The following CCDC18 variants were observed in gnomAD, a reference collection of about 807,000 sequenced individuals.
The protein encoded by CCDC18 is coiled-coil domain containing 18.
CCDC18 carries 157 observed loss-of-function variants against 196.0 expected under a neutral mutation model. The ratio of observed to expected loss-of-function variants is 0.80; its 90% confidence interval spans 0.70 to 0.91. The LOEUF is 0.91. Ranked by LOEUF, CCDC18 falls within the 40% of genes least tolerant of loss-of-function variation. The pLI, the probability that CCDC18 is intolerant of heterozygous loss-of-function variation, is 0.00. For missense variants in CCDC18, 1,465 were observed against 1,611.6 expected (o/e 0.91, Z 1.56); for synonymous variants, 482 against 529.2 (o/e 0.91, Z 1.22).
intron 23 of CCDC18, among the ~76,000 whole-genome samples, chr1:93,253,616 G>A (rs1662552085): frequency 6.6e-6 from 1 of 152,196 alleles, no homozygotes; most frequent in Non-Finnish European, 1.5e-5. Flanking sequence ...TTTGCTGAGG[G>A]GAGTTGGAGC....
intron 25 of CCDC18, among the ~76,000 whole-genome samples, chr1:93,257,099 G>A (rs1266481559): frequency 6.6e-6 from 1 of 151,790 alleles, no homozygotes. Context: ...AGGCATGATG[G>A]TGGGCACCTA....
At chr1:93,195,550 A>C (rs1306045626) in intron 6 of CCDC18, among the ~76,000 whole-genome samples, 1 of 152,182 alleles carries the variant, frequency 6.6e-6, no homozygotes, top group Non-Finnish European at 1.5e-5. Flanking sequence ...ATCCCAACGC[A>C]ACACTGTTGG....
rs1216015589 is a variant in CCDC18 at position 93,236,359 on chromosome 1, CA to C, written c.2577del (p.Val860Ter). The C allele has an allele frequency of 6.3e-7, 1 of 1,588,672 alleles. No homozygotes were observed. The highest frequency in any genetic ancestry group is 8.5e-7 in the Non-Finnish European group (1 of 1,171,924). ...SAAHEADLKR[Q>X]KVIELTGTAR... ...TGCACATGAAGCAGATTTGAAAAGG[CA>C]AAAAGTGATTGAGCTTACTGGCACT... On this transcript the variant is annotated frameshift_variant, in exon 19 of 29. Coordinates refer to ENST00000690025, the MANE Select transcript of CCDC18 (RefSeq NM_001378204.1). LOFTEE classifies it high-confidence loss of function.
chr1:93,214,272 G>T (rs1025046809), intron 11 of CCDC18, among the ~76,000 whole-genome samples: 2 of 152,084 alleles, frequency 1.3e-5, no homozygotes, highest in African/African-American at 4.8e-5. Flanking sequence ...AGCTAGTTTG[G>T]AGAGAAAGAC....
rs565434837 is a variant in CCDC18 at position 93,239,213 on chromosome 1, T to C, written c.2604-97T>C. ...ATTCCAACTAGATATTTTGCTGATA[T>C]TTGTCCTTATATAACTTGCAGGCTT... is the stretch of plus-strand genomic sequence containing the variant. On this transcript the variant is annotated intron_variant, in intron 19 of 28. Coordinates refer to ENST00000690025, the MANE Select transcript of CCDC18 (RefSeq NM_001378204.1). The C allele has an allele frequency of 8.8e-5, 79 of 899,658 alleles. 1 individual carries two copies. The highest frequency in any genetic ancestry group is 5.0e-4 in the East Asian group (20 of 40,010). The allele number at this position is 899,658 out of a possible 1,614,324, so 55.7% of individuals were successfully genotyped here.
In CCDC18 at chr1:93,239,290, T is replaced by C. The variant is rs200811212; in HGVS notation, c.2604-20T>C. The C allele has an allele frequency of 6.3e-4, 953 of 1,503,260 alleles. 15 individuals carry two copies. In the Admixed American group the frequency reaches 0.017, roughly 27 times the overall value. The allele number at this position is 1,503,260 out of a possible 1,614,324, so 93.1% of individuals were successfully genotyped here. ...GGTTAAGTTTCTAAATTACCTGTTTTATTATTTGTTTTTAATTAGGCAAGT... is the reference window on the plus strand; with the variant it reads ...GGTTAAGTTTCTAAATTACCTGTTTCATTATTTGTTTTTAATTAGGCAAGT... On this transcript the variant is annotated intron_variant, in intron 19 of 28. Transcript: ENST00000690025.
chr1:93,189,060 A>C (rs563650783), intron 4 of CCDC18, among the ~76,000 whole-genome samples: 1 of 152,268 alleles, frequency 6.6e-6, no homozygotes, highest in East Asian at 1.9e-4. Flanking sequence ...ATAAAATAGT[A>C]GTTCTTATTC....
intron 18 of CCDC18, among the ~76,000 whole-genome samples, chr1:93,234,440 G>A (rs911090760): frequency 6.6e-6 from 1 of 152,112 alleles, no homozygotes; most frequent in African/African-American, 2.4e-5. Flanking sequence ...GATTACAGGC[G>A]TGAGCCACTG....
In CCDC18 at chr1:93,197,745, C is replaced by CTTTTTTTTTTT. The variant is rs71094240; in HGVS notation, c.698+4015_698+4025dup. ...AACTCTCCTGCATTTCTTTTCTTTT[C>CTTTTTTTTTTT]TTTTTTTTTTTTTTTTTTTTTTTTG... On this transcript the variant is annotated intron_variant, in intron 6 of 28. Coordinates refer to ENST00000690025, the MANE Select transcript of CCDC18 (RefSeq NM_001378204.1). Among the ~76,000 whole-genome samples, 194 of 76,012 alleles carry CTTTTTTTTTTT rather than the reference C, an allele frequency of 2.6e-3. 1 individual carries two copies. The highest frequency in any genetic ancestry group is 5.4e-3 in the African/African-American group (106 of 19,516). The allele number at this position is 76,012 out of a possible 152,430, so 49.9% of individuals were successfully genotyped here. A position where few individuals can be genotyped will look rare whatever the true frequency, so the allele number is the denominator to read the frequency against.
intron 18 of CCDC18, among the ~76,000 whole-genome samples, chr1:93,235,478 T>C (rs1474435254): frequency 2.0e-5 from 3 of 152,206 alleles, no homozygotes; most frequent in Non-Finnish European, 4.4e-5. Context: ...GTAATCCCTG[T>C]TTCTGTGGAA....
Position 93,205,496 on chromosome 1 carries a change from A to T in CCDC18, c.796-14A>T. On this transcript the variant is annotated splice_polypyrimidine_tract_variant and intron_variant, in intron 7 of 28. Transcript: ENST00000690025. ...ACAACCACATTAGTATGTCCACTTA[A>T]ATTATTGTTTTAGGTTCAAGCTGAA... The T allele has an allele frequency of 1.3e-6, 2 of 1,569,006 alleles. No homozygotes were observed. Among genetic ancestry groups the T allele is most frequent in the Non-Finnish European group, 1.7e-6 (2 of 1,160,716 alleles).
intron 6 of CCDC18, among the ~76,000 whole-genome samples, chr1:93,196,555 A>G (rs1243178682): frequency 6.6e-6 from 1 of 152,214 alleles, no homozygotes; most frequent in East Asian, 1.9e-4. Flanking sequence ...GTCCCAAAAT[A>G]CATAAGAAAA....
intron 16 of CCDC18, among the ~76,000 whole-genome samples, chr1:93,223,891 A>C (rs1362890533): frequency 1.8e-5 from 2 of 111,516 alleles, no homozygotes; most frequent in East Asian, 4.7e-4. Flanking sequence ...TTTTGATTTC[A>C]TTTATTTATA....
At chr1:93,266,190 A>G (rs1248125287) in intron 27 of CCDC18, among the ~76,000 whole-genome samples, 1 of 152,218 alleles carries the variant, frequency 6.6e-6, no homozygotes, top group Non-Finnish European at 1.5e-5. Flanking sequence ...CTTCTGAATG[A>G]CTACTGGGTA....
At chr1:93,240,789 G>A (rs1210590198) in intron 21 of CCDC18, among the ~76,000 whole-genome samples, 1 of 151,970 alleles carries the variant, frequency 6.6e-6, no homozygotes, top group Non-Finnish European at 1.5e-5. Flanking sequence ...ATTTTTAAGA[G>A]GCATCTCAGA....
At chr1:93,227,543 C>A (rs578226501) in intron 17 of CCDC18, among the ~76,000 whole-genome samples, 1 of 152,230 alleles carries the variant, frequency 6.6e-6, no homozygotes, top group East Asian at 1.9e-4. Context: ...TAGGCACTCA[C>A]TAAACATTTG....
intron 19 of CCDC18, among the ~76,000 whole-genome samples, chr1:93,236,800 G>C (rs1660128378): frequency 6.6e-6 from 1 of 152,184 alleles, no homozygotes; most frequent in South Asian, 2.1e-4. Flanking sequence ...CAATATAAAA[G>C]TGGTTCTCAG....
intron 4 of CCDC18, among the ~76,000 whole-genome samples, chr1:93,191,699 A>G (rs1651840777): frequency 6.6e-6 from 1 of 151,974 alleles, no homozygotes. Context: ...TTTATGTTTA[A>G]TTTTCTAATT....
intron 16 of CCDC18, 83 bp downstream of exon 16, chr1:93,222,019 G>C: frequency 1.1e-6 from 1 of 895,744 alleles, no homozygotes; most frequent in Non-Finnish European, 1.7e-6. Context: ...GCCTAGGCTG[G>C]AGTGCAGTGG....
Sources: allele counts gnomAD v4.1 joint callset (sites outside exome capture counted in the v4.1 genomes callset), GRCh38; gene constraint gnomAD v4.1.1; transcripts MANE v1.5; gene names NCBI Gene and HGNC (gene_info 2026-07-23, HGNC 2026-07-21).